The following HERC2 variants were observed in gnomAD, a reference collection of about 807,000 sequenced individuals.
HERC2 encodes the protein HECT and RLD domain containing E3 ubiquitin protein ligase 2.
HERC2 carries 102 observed loss-of-function variants against 537.7 expected under a neutral mutation model. The observed-to-expected ratio is 0.19, with a 90% CI of 0.16 to 0.22. The LOEUF (loss-of-function observed/expected upper bound fraction) is 0.22, where lower values mean the gene tolerates loss of function less well. Ranked by LOEUF, HERC2 falls within the 10% of genes least tolerant of loss-of-function variation. The pLI is 1.00. For synonymous variants in HERC2, 2,224 were observed against 2,466.2 expected (o/e 0.90, Z 2.91); for missense variants, 4,236 against 6,198.2 (o/e 0.68, Z 10.63).
chr15:28,237,343 T>C lies in HERC2; in HGVS notation c.3853-230A>G, dbSNP rs545970239. Among the ~76,000 whole-genome samples, 65 of 152,312 alleles carry C rather than the reference T, an allele frequency of 4.3e-4. 1 individual carries two copies. The highest frequency in any genetic ancestry group is 1.5e-3 in the African/African-American group (63 of 41,568). On this transcript the variant is annotated intron_variant, in intron 25 of 92. Coordinates refer to ENST00000261609, the MANE Select transcript of HERC2 (RefSeq NM_004667.6). Reference sequence around the variant, plus strand: ...AGGCAGCAACTGCACAGCCCTACTGTAGAAAAACTAAACCACAGATACATG... The same window carrying C: ...AGGCAGCAACTGCACAGCCCTACTGCAGAAAAACTAAACCACAGATACATG...
intron 30 of HERC2, among the ~76,000 whole-genome samples, chr15:28,230,797 C>T (rs1901753092): frequency 6.6e-6 from 1 of 151,840 alleles, no homozygotes; most frequent in Non-Finnish European, 1.5e-5. Flanking sequence ...TGCAGTCTGT[C>T]GCAAATACTC....
At chr15:28,156,449 T>C (rs1382344570) in intron 69 of HERC2, among the ~76,000 whole-genome samples, 2 of 152,194 alleles carry the variant, frequency 1.3e-5, no homozygotes, top group Non-Finnish European at 2.9e-5. Context: ...GGTTTGTAGT[T>C]CTCCTTGAAG....
At chr15:28,135,381 T>A (rs1890532868) in intron 79 of HERC2, 97 bp downstream of exon 79, 1 of 891,728 alleles carries the variant, frequency 1.1e-6, no homozygotes, top group East Asian at 2.4e-5. Context: ...ATTGTAAATG[T>A]TGCCTTGAAA....
chr15:28,136,498 G>A (rs939541789), intron 78 of HERC2, among the ~76,000 whole-genome samples: 3 of 152,208 alleles, frequency 2.0e-5, no homozygotes, highest in Non-Finnish European at 4.4e-5. Context: ...TAGAAAGTGG[G>A]GCTCCAAAGG....
chr15:28,314,881 C>T (rs1225845076), intron 2 of HERC2, among the ~76,000 whole-genome samples: 2 of 149,472 alleles, frequency 1.3e-5, no homozygotes, highest in Non-Finnish European at 3.0e-5. Flanking sequence ...AAAAAAAAAT[C>T]ATATGTCAAC....
Position 28,214,676 on chromosome 15 carries a change from A to C in HERC2, c.6337T>G (p.Ser2113Ala). The change falls in exon 40 of 93, where the codon TCT (serine) becomes GCT (alanine). Residue 2113 changes from serine to alanine, a missense_variant. Coordinates refer to ENST00000261609, the MANE Select transcript of HERC2 (RefSeq NM_004667.6). Reference protein sequence around the residue: ...FLGSLLTTCSSDVPLLRESTL... With the variant: ...FLGSLLTTCSADVPLLRESTL... ...CCACCTCTGAGTAATGGCACGTCAG[A>C]GGAGCAGGTAGTGAGCAAGCTTCCC... The C allele has an allele frequency of 6.2e-7, 1 of 1,612,050 alleles. No homozygotes were observed. Among genetic ancestry groups the C allele is most frequent in the Non-Finnish European group, 8.5e-7 (1 of 1,179,864 alleles).
intron 31 of HERC2, 23 bp from the exon 32 acceptor site, chr15:28,229,870 A>T: frequency 1.2e-6 from 1 of 851,028 alleles, no homozygotes; most frequent in Non-Finnish European, 2.0e-6. Context: ...AACAATTTTC[A>T]TCATTAGTCT....
In HERC2 at chr15:28,317,668, G is replaced by A. The variant is rs1343257838; in HGVS notation, c.72+3694C>T. Among the ~76,000 whole-genome samples, 5 of 152,324 alleles carry A rather than the reference G, an allele frequency of 3.3e-5. No individual in the cohort carries two copies. The East Asian group carries it at 9.6e-4, about 29-fold the overall frequency. ...TAGAGATGGTGGCAGAAGAGAGGCA[G>A]GAGAGACATCTTTGTAGTGATGAAA... is the stretch of plus-strand genomic sequence containing the variant. On this transcript the variant is annotated intron_variant, in intron 2 of 92. Coordinates refer to ENST00000261609, the MANE Select transcript of HERC2 (RefSeq NM_004667.6).
chr15:28,160,818 C>T (rs1222989487), intron 69 of HERC2, among the ~76,000 whole-genome samples: 1 of 152,204 alleles, frequency 6.6e-6, no homozygotes, highest in Admixed American at 6.5e-5. Context: ...CCATCTTCTG[C>T]GTTGCTCACA....
intron 3 of HERC2, among the ~76,000 whole-genome samples, chr15:28,296,477 G>C (rs1222848574): frequency 1.3e-5 from 2 of 151,734 alleles, no homozygotes; most frequent in Non-Finnish European, 2.9e-5. Context: ...CCTCTCGAGA[G>C]GAAAAAACAC....
chr15:28,237,027 G>A lies in HERC2; in HGVS notation c.3939C>T (p.Leu1313=), dbSNP rs758978348. The A allele has an allele frequency of 1.5e-5, 24 of 1,611,684 alleles. No homozygotes were observed. The highest frequency in any genetic ancestry group is 2.7e-5 in the African/African-American group (2 of 74,830). Residue 1313 remains leucine (L), a synonymous_variant, in exon 26 of 93, where the codon CTC becomes CTT. Transcript: ENST00000261609. ...TTGCCAAATACGAAGCGTGTAATCCGAGAAGCAGGCCCAGATTCCTCTCTG... is the reference window on the plus strand; with the variant it reads ...TTGCCAAATACGAAGCGTGTAATCCAAGAAGCAGGCCCAGATTCCTCTCTG... ...IDTERNLGLL[L]GLHASYLAMS...
chr15:28,214,603 C>A, intron 40 of HERC2, 52 bp downstream of exon 40: 3 of 1,595,224 alleles, frequency 1.9e-6, no homozygotes, highest in Non-Finnish European at 2.6e-6. Flanking sequence ...ACCTGAGTGA[C>A]GGCACTGCGC....
rs759357087 is a variant in HERC2 at position 28,202,212 on chromosome 15, G to A, written c.7518C>T (p.Ser2506=). The A allele has an allele frequency of 2.6e-5, 42 of 1,607,408 alleles. No individual in the cohort carries two copies. Among genetic ancestry groups the A allele is most frequent in the Non-Finnish European group, 3.2e-5 (38 of 1,175,076 alleles). The change falls in exon 47 of 93, where the codon TCC becomes TCT. Residue 2506 remains serine, a synonymous_variant. Coordinates refer to ENST00000261609, the MANE Select transcript of HERC2 (RefSeq NM_004667.6). ...CTGAGAGCTCCGTGACCTGTATGTC[G>A]GAGTGGTCCAGCAGCCACCCGACCA... ...EALVGWLLDH[S]DIQVTELSDA...
chr15:28,314,241 AG>A (rs2077021688), intron 2 of HERC2, among the ~76,000 whole-genome samples: 1 of 152,246 alleles, frequency 6.6e-6, no homozygotes, highest in African/African-American at 2.4e-5. Context: ...AGAAGTCAAC[AG>A]AACAGACCAA....
In HERC2 at chr15:28,288,157, G is replaced by A. The variant is rs572509535; in HGVS notation, c.322+4731C>T. On this transcript the variant is annotated intron_variant, in intron 4 of 92. Transcript: ENST00000261609. ...AGAAGATCTAGAAACGGTAAAGGGAGATCTTCAAACTGAAGGAAAACGATA... is the reference window on the plus strand; with the variant it reads ...AGAAGATCTAGAAACGGTAAAGGGAAATCTTCAAACTGAAGGAAAACGATA... Among the ~76,000 whole-genome samples, 169 of 152,274 alleles carry A rather than the reference G, an allele frequency of 1.1e-3. 1 individual carries two copies. The highest frequency in any genetic ancestry group is 0.01 in the Middle Eastern group (3 of 294).
chr15:28,123,171 G>GTA (rs1023635556), intron 85 of HERC2, among the ~76,000 whole-genome samples: 13 of 152,256 alleles, frequency 8.5e-5, no homozygotes, highest in Admixed American at 7.8e-4. Context: ...TAAAATGAAT[G>GTA]TACCAGTCCT....
chr15:28,223,575 G>A (rs1900757808), intron 35 of HERC2, among the ~76,000 whole-genome samples: 1 of 152,124 alleles, frequency 6.6e-6, no homozygotes, highest in Admixed American at 6.5e-5. Context: ...GATCTCCCAG[G>A]ATCCCCTGGG....
intron 3 of HERC2, among the ~76,000 whole-genome samples, chr15:28,294,694 C>T (rs2076412771): frequency 6.6e-6 from 1 of 151,968 alleles, no homozygotes; most frequent in African/African-American, 2.4e-5. Context: ...TCACCTCACC[C>T]TGTTCTTACT....
intron 8 of HERC2, among the ~76,000 whole-genome samples, chr15:28,272,631 T>C (rs1596364248): frequency 6.6e-6 from 1 of 151,246 alleles, no homozygotes; most frequent in African/African-American, 2.4e-5. Context: ...ATGAAAGTTC[T>C]AGGATCTTAA....
Sources: gnomAD v4.1 joint callset for allele counts (sites outside exome capture counted in the v4.1 genomes callset) on GRCh38, gnomAD v4.1.1 for gene constraint, MANE v1.5 for transcripts, NCBI Gene and HGNC (gene_info 2026-07-23, HGNC 2026-07-21) for gene names.